Variants in CLNK observed in about 807,000 individuals in gnomAD.
CLNK encodes cytokine dependent hematopoietic cell linker, also known as cytokine-dependent hematopoietic cell linker.
A neutral mutation model predicts 68.6 loss-of-function variants in CLNK; 74 were observed. The observed-to-expected ratio is 1.08, with a 90% confidence interval of 0.89 to 1.31. CLNK has a LOEUF of 1.31. Among genes scored for constraint, CLNK ranks in the 50% most tolerant of loss-of-function variants. CLNK has a pLI of 0.00. For missense variants in CLNK, 553 were observed against 515.3 expected, an observed-to-expected ratio of 1.07 and a Z score of -0.71; for synonymous variants, 198 against 172.2, an observed-to-expected ratio of 1.15 and a Z score of -1.17.
chr4:10,652,722 T>C (rs35699234), intron 2 of CLNK, among the ~76,000 whole-genome samples: 60,020 of 152,026 alleles, frequency 0.39, 12,743 homozygotes, highest in African/African-American at 0.54. Flanking sequence ...AAATTCACAA[T>C]TACTTTAAAT....
chr4:10,581,344 TACAC>T (rs779225545), intron 4 of CLNK, among the ~76,000 whole-genome samples: 14 of 151,610 alleles, frequency 9.2e-5, no homozygotes, highest in African/African-American at 2.9e-4. Context: ...TACATATACA[TACAC>T]ACACACACAC....
chr4:10,533,412 T>C (rs1158044746), intron 11 of CLNK, among the ~76,000 whole-genome samples: 1 of 152,226 alleles, frequency 6.6e-6, no homozygotes, highest in East Asian at 1.9e-4. Flanking sequence ...ACACTGGATC[T>C]GAAGAATATG....
At chr4:10,568,976 C>G (rs1180298576) in intron 5 of CLNK, among the ~76,000 whole-genome samples, 1 of 152,204 alleles carries the variant, frequency 6.6e-6, no homozygotes, top group African/African-American at 2.4e-5. Flanking sequence ...TGACACCACT[C>G]TCTGTATATT....
chr4:10,616,249 T>C (rs1722221903), intron 2 of CLNK, among the ~76,000 whole-genome samples: 2 of 152,332 alleles, frequency 1.3e-5, no homozygotes, highest in African/African-American at 4.8e-5. Context: ...ACGTTGGCCA[T>C]AGTGGGAGTA....
chr4:10,630,450 C>G (rs1304407549), intron 2 of CLNK, among the ~76,000 whole-genome samples: 1 of 152,104 alleles, frequency 6.6e-6, no homozygotes, highest in Non-Finnish European at 1.5e-5. Context: ...AGCTCAGAGT[C>G]GTTTCCACTC....
chr4:10,696,551 C>T, the CLNK span, among the ~76,000 whole-genome samples: 2 of 152,192 alleles, frequency 1.3e-5, no homozygotes, highest in African/African-American at 4.8e-5. Context: ...GCAATAAACT[C>T]TTTGCCCTTT....
intron 2 of CLNK, among the ~76,000 whole-genome samples, chr4:10,661,639 C>A (rs933408095): frequency 3.3e-5 from 5 of 152,158 alleles, no homozygotes; most frequent in African/African-American, 1.2e-4. Context: ...ATTTTTGTAT[C>A]ATTTTTACTC....
At chr4:10,512,126 T>C (rs1376274439) in intron 16 of CLNK, among the ~76,000 whole-genome samples, 1 of 152,290 alleles carries the variant, frequency 6.6e-6, no homozygotes, top group Non-Finnish European at 1.5e-5. Flanking sequence ...GAGCGTAATC[T>C]TGTGTGGACC....
intron 7 of CLNK, among the ~76,000 whole-genome samples, chr4:10,560,592 C>T (rs1375382855): frequency 6.6e-6 from 1 of 151,786 alleles, no homozygotes; most frequent in Non-Finnish European, 1.5e-5. Context: ...TACAGGCGTG[C>T]GTCACCATGC....
At chr4:10,518,514 A>G (rs549600316) in intron 15 of CLNK, among the ~76,000 whole-genome samples, 1 of 152,352 alleles carries the variant, frequency 6.6e-6, no homozygotes, top group East Asian at 1.9e-4. Context: ...ACAAACACTA[A>G]AAATGAAAAC....
the CLNK span, among the ~76,000 whole-genome samples, chr4:10,705,940 C>A: frequency 6.6e-6 from 1 of 152,350 alleles, no homozygotes; most frequent in East Asian, 1.9e-4. Flanking sequence ...CTGGTTTCAG[C>A]ATCACTGCTT....
intron 2 of CLNK, among the ~76,000 whole-genome samples, chr4:10,616,788 G>A (rs199619813): frequency 0.028 from 324 of 11,482 alleles, 3 homozygotes; most frequent in African/African-American, 0.047. Context: ...ATGTGTGTGT[G>A]TGTATATATA....
intron 2 of CLNK, among the ~76,000 whole-genome samples, chr4:10,601,280 G>A (rs1289520438): frequency 6.6e-6 from 1 of 152,142 alleles, no homozygotes; most frequent in African/African-American, 2.4e-5. Flanking sequence ...AAGCAACTAA[G>A]GGACACACCA....
chr4:10,616,790 G>GTGTGTATATA lies in CLNK; in HGVS notation c.12-18742_12-18741insTATATACACA, dbSNP rs1369047138. On this transcript the variant is annotated intron_variant, in intron 2 of 18. Coordinates refer to ENST00000226951, the MANE Select transcript of CLNK (RefSeq NM_052964.4). The stretch of plus-strand genomic sequence containing the variant: ...TGTGTGTGTATATATGTGTGTGTGT[G>GTGTGTATATA]TATATATATATATATATATATATAT... Among the ~76,000 whole-genome samples, 609 of 64,106 alleles carry GTGTGTATATA rather than the reference G, an allele frequency of 9.5e-3. 5 individuals are homozygous for GTGTGTATATA. Among genetic ancestry groups the GTGTGTATATA allele is most frequent in the African/African-American group, 0.025 (583 of 23,716 alleles). 42.1% of individuals were successfully genotyped at this position (64,106 alleles called of 152,430 possible). A position where few individuals can be genotyped will look rare whatever the true frequency, so the allele number is the denominator to read the frequency against.
intron 2 of CLNK, among the ~76,000 whole-genome samples, chr4:10,662,954 A>C (rs1399696249): frequency 2.6e-5 from 4 of 152,300 alleles, no homozygotes; most frequent in Non-Finnish European, 4.4e-5. Flanking sequence ...ATCTATCCCC[A>C]ATCTGGGATG....
the CLNK span, among the ~76,000 whole-genome samples, chr4:10,715,090 A>G: frequency 5.9e-5 from 9 of 152,202 alleles, no homozygotes; most frequent in Non-Finnish European, 8.8e-5. Context: ...ACTTTCAATT[A>G]AAAATCAAAT....
At chr4:10,648,861 T>G (rs1156864865) in intron 2 of CLNK, among the ~76,000 whole-genome samples, 5 of 152,208 alleles carry the variant, frequency 3.3e-5, no homozygotes, top group African/African-American at 1.2e-4. Flanking sequence ...CACATTTCCC[T>G]GACAATGAGA....
intron 8 of CLNK, among the ~76,000 whole-genome samples, chr4:10,554,302 G>A (rs752990444): frequency 2.0e-5 from 3 of 152,186 alleles, no homozygotes; most frequent in East Asian, 1.9e-4. Context: ...GGGGAAGGCC[G>A]TACTTTGCTT....
the CLNK span, among the ~76,000 whole-genome samples, chr4:10,727,739 G>A: frequency 0.2 from 30,507 of 152,144 alleles, 3,451 homozygotes; most frequent in Non-Finnish European, 0.26. Context: ...CTAGAGCAAC[G>A]AATAAGTAAA....
Sources: gnomAD v4.1 joint callset for allele counts (sites outside exome capture counted in the v4.1 genomes callset) on GRCh38, gnomAD v4.1.1 for gene constraint, MANE v1.5 for transcripts, NCBI Gene and HGNC (gene_info 2026-07-23, HGNC 2026-07-21) for gene names.